Variants in ABCC2 observed in about 807,000 individuals in gnomAD.
ABCC2 encodes ATP binding cassette subfamily C member 2, also known as ATP-binding cassette sub-family C member 2.
In ABCC2, 157 loss-of-function variants were observed where a neutral mutation model predicts 173.4. The ratio of observed to expected loss-of-function variants is 0.91; its 90% CI spans 0.80 to 1.03. The LOEUF (loss-of-function observed/expected upper bound fraction) is 1.03, where lower values mean the gene tolerates loss of function less well. Ranked by LOEUF, ABCC2 falls within the 50% of genes least tolerant of loss-of-function variation. The pLI is 0.00. For synonymous variants in ABCC2, 657 were observed against 693.5 expected (o/e 0.95, Z 0.83); for missense variants, 1,822 against 1,852.3 (o/e 0.98, Z 0.30).
At chr10:99,786,587 C>T (rs1165259738) in intron 2 of ABCC2, among the ~76,000 whole-genome samples, 1 of 152,242 alleles carries the variant, frequency 6.6e-6, no homozygotes, top group Non-Finnish European at 1.5e-5. Context: ...ACAATTCAGG[C>T]CGGATGCTGT....
chr10:99,827,934 GAAAAGCCTCCACGTT>G (rs2038673210), intron 19 of ABCC2, among the ~76,000 whole-genome samples: 1 of 3,018 alleles, frequency 3.3e-4, no homozygotes. Context: ...TCACCCTAGA[GAAAAGCCTCCACGTT>G]GGGCACCAGA....
intron 16 of ABCC2, among the ~76,000 whole-genome samples, chr10:99,814,754 T>C (rs372545053): frequency 1.4e-4 from 19 of 139,386 alleles, no homozygotes; most frequent in Non-Finnish European, 2.6e-4. Context: ...TGTATGTATA[T>C]ACACACACAT....
chr10:99,806,152 C>T (rs1239587331), intron 11 of ABCC2, among the ~76,000 whole-genome samples: 2 of 149,066 alleles, frequency 1.3e-5, no homozygotes, highest in African/African-American at 5.0e-5. Flanking sequence ...TGTCCTATTT[C>T]CTGTATTTCC....
chr10:99,843,268 G>C (rs2038972370), intron 26 of ABCC2, among the ~76,000 whole-genome samples: 1 of 151,232 alleles, frequency 6.6e-6, no homozygotes, highest in Non-Finnish European at 1.5e-5. Context: ...AATTACATAT[G>C]CTTCAATCTA....
intron 1 of ABCC2, among the ~76,000 whole-genome samples, chr10:99,783,532 A>G (rs933160250): frequency 6.6e-6 from 1 of 152,190 alleles, no homozygotes; most frequent in Non-Finnish European, 1.5e-5. Context: ...AGGACCTTAG[A>G]TTTAGTGATT....
chr10:99,807,238 A>G, intron 11 of ABCC2, 146 bp from the exon 12 acceptor site: 1 of 1,089,346 alleles, frequency 9.2e-7, no homozygotes, highest in Non-Finnish European at 1.4e-6. Flanking sequence ...AACAAATACA[A>G]GCTACCTTTC....
chr10:99,798,574 G>A (rs994958934), intron 7 of ABCC2, among the ~76,000 whole-genome samples: 1 of 152,124 alleles, frequency 6.6e-6, no homozygotes, highest in Non-Finnish European at 1.5e-5. Context: ...ACCTTCTAGT[G>A]TTCCCCAGCA....
At position 99,782,803 on chromosome 10, in the gene ABCC2, T is replaced by C. The variant is rs768567733; in HGVS notation, c.-42T>C. On this transcript the variant is annotated 5_prime_UTR_variant, in exon 1 of 32. Transcript: ENST00000647814. ...AAGTAAAGAAGAAACAACACAATCA[T>C]ATTAATAGAAGAGTCTTCGTTCCAG... is the stretch of plus-strand genomic sequence containing the variant. The C allele has an allele frequency of 6.8e-6, 11 of 1,606,866 alleles. No individual in the cohort carries two copies. Among genetic ancestry groups the C allele is most frequent in the Non-Finnish European group, 9.4e-6 (11 of 1,173,452 alleles).
At chr10:99,808,250 C>A in intron 13 of ABCC2, 21 bp downstream of exon 13, 1 of 1,613,660 alleles carries the variant, frequency 6.2e-7, no homozygotes, top group Non-Finnish European at 8.5e-7. Context: ...ATTCTCACTG[C>A]TAACTCCCTG....
chr10:99,812,461 T>C (rs2038232475), intron 15 of ABCC2, among the ~76,000 whole-genome samples: 1 of 152,228 alleles, frequency 6.6e-6, no homozygotes, highest in South Asian at 2.1e-4. Context: ...TATCCCATTG[T>C]GGGCCCCTAC....
chr10:99,799,351 G>T lies in ABCC2; in HGVS notation c.1012G>T (p.Val338Leu). Residue 338 changes from valine (V) to leucine (L), a missense_variant, in exon 8 of 32, where the codon GTG (valine) becomes TTG (leucine). By Grantham distance (32) the Val-to-Leu change is conservative (BLOSUM62 1). Coordinates refer to ENST00000647814, the MANE Select transcript of ABCC2 (RefSeq NM_000392.5). ...LKLVNDIFTF[V>L]SPQLLKLLIS... Reference sequence around the variant, plus strand: ...GCTAGTGAATGACATCTTCACGTTTGTGAGTCCTCAGCTGCTGAAGTGAGT... The same window carrying T: ...GCTAGTGAATGACATCTTCACGTTTTTGAGTCCTCAGCTGCTGAAGTGAGT... The T allele has an allele frequency of 6.2e-7, 1 of 1,614,128 alleles. No individual in the cohort carries two copies.
At position 99,827,714 on chromosome 10, in the gene ABCC2, AT is replaced by A. The variant is rs1262709072; in HGVS notation, c.2621-2586del. 6.2e-3 allele frequency among the ~76,000 whole-genome samples: 936 copies of A among 151,206 alleles called. 5 individuals are homozygous for A. Among genetic ancestry groups the A allele is most frequent in the African/African-American group, 0.021 (866 of 41,094 alleles). ...CTATTATTTGAAATAGCTTGATTAG[AT>A]TTTTTTGTAGATACTTTAACTCCCC... On this transcript the variant is annotated intron_variant, in intron 19 of 31. Coordinates refer to ENST00000647814, the MANE Select transcript of ABCC2 (RefSeq NM_000392.5).
rs1184519015 is a variant in ABCC2, at chr10:99,832,004, G to T, written c.3131G>T (p.Trp1044Leu). 1.2e-6 allele frequency: 2 copies of T among 1,614,184 alleles called. No individual in the cohort carries two copies. The highest frequency in any genetic ancestry group is 8.5e-7 in the Non-Finnish European group (1 of 1,180,026). The change falls in exon 23 of 32, where the codon TGG (tryptophan) becomes TTG (leucine). Residue 1044 changes from tryptophan to leucine, a missense_variant. Trp to Leu is a moderately conservative substitution (Grantham distance 61). Coordinates refer to ENST00000647814, the MANE Select transcript of ABCC2 (RefSeq NM_000392.5). ...ATATTTGTGTTCATAGCACATTTCTGGAGTGCCTTTGGTTTCGTCCATGCA... is the reference window on the plus strand; with the variant it reads ...ATATTTGTGTTCATAGCACATTTCTTGAGTGCCTTTGGTTTCGTCCATGCA... ...QGIFVFIAHFWSAFGFVHASN... is the reference protein window; with the variant it reads ...QGIFVFIAHFLSAFGFVHASN...
At chr10:99,785,038 TCA>T (rs1348053759) in intron 2 of ABCC2, among the ~76,000 whole-genome samples, 1 of 152,170 alleles carries the variant, frequency 6.6e-6, no homozygotes. Flanking sequence ...GGGCATATAA[TCA>T]ATCAAATTAT....
At position 99,784,610 on chromosome 10, in the gene ABCC2, T is replaced by C. The variant is rs1400448508; in HGVS notation, c.36T>C (p.Asn12=). ...LEKFCNSTFW[N]SSFLDSPEAD... Reference sequence around the variant, plus strand: ...AATCCTTCCCCTTTGGTCTCCAGAATTCCTCATTCCTGGACAGTCCGGAGG... The same window carrying C: ...AATCCTTCCCCTTTGGTCTCCAGAACTCCTCATTCCTGGACAGTCCGGAGG... Residue 12 remains asparagine, a splice_region_variant and synonymous_variant, in exon 2 of 32, where the codon AAT becomes AAC. Transcript: ENST00000647814. 2.0e-5 allele frequency: 33 copies of C among 1,613,950 alleles called. No homozygotes were observed. The highest frequency in any genetic ancestry group is 2.5e-5 in the Non-Finnish European group (30 of 1,180,032).
chr10:99,784,463 A>G (rs766037031), intron 1 of ABCC2, 145 bp from the exon 2 acceptor site: 114 of 916,202 alleles, frequency 1.2e-4, no homozygotes, highest in Non-Finnish European at 1.9e-4. Context: ...GTGCACAAAT[A>G]GGAAAATACG....
At position 99,831,650 on chromosome 10, in the gene ABCC2, G is replaced by A. The variant is rs2038740331; in HGVS notation, c.2923G>A (p.Gly975Arg). 6.2e-7 allele frequency: 1 copy of A among 1,614,150 alleles called. No homozygotes were observed. The highest frequency in any genetic ancestry group is 8.5e-7 in the Non-Finnish European group (1 of 1,180,022). Reference sequence around the variant, plus strand: ...CTACCTGGAGTACCTACAAGCAATAGGATTGTTTTCGATATTCTTCATCAT... The same window carrying A: ...CTACCTGGAGTACCTACAAGCAATAAGATTGTTTTCGATATTCTTCATCAT... ...SIYLEYLQAIGLFSIFFIILA... is the reference protein window; with the variant it reads ...SIYLEYLQAIRLFSIFFIILA... The change falls in exon 22 of 32, where the codon GGA becomes AGA. Residue 975 changes from glycine to arginine, a missense_variant. Transcript: ENST00000647814.
chr10:99,820,773 T>C (rs188277405), intron 19 of ABCC2, among the ~76,000 whole-genome samples: 12 of 152,208 alleles, frequency 7.9e-5, no homozygotes, highest in Admixed American at 7.8e-4. Context: ...AGCCTTTATG[T>C]GCTCCAGGTA....
rs1389883292 is a variant in ABCC2, at chr10:99,852,514, T to C, written c.*883T>C. ...ATCTGTTGTTTCTGTTGGTTTTTAC[T>C]CATGGTATTTTATTTCCTTGTATGT... On this transcript the variant is annotated 3_prime_UTR_variant, in exon 32 of 32. Transcript: ENST00000647814. Among the ~76,000 whole-genome samples the C allele has an allele frequency of 6.6e-6, 1 of 152,254 alleles. No homozygotes were observed. The highest frequency in any genetic ancestry group is 1.5e-5 in the Non-Finnish European group (1 of 68,040).
Sources: allele counts gnomAD v4.1 joint callset (sites outside exome capture counted in the v4.1 genomes callset), GRCh38; gene constraint gnomAD v4.1.1; transcripts MANE v1.5; gene names NCBI Gene and HGNC (gene_info 2026-07-23, HGNC 2026-07-21).